Variants in NFASC observed in about 807,000 individuals in gnomAD.
The protein encoded by NFASC is neurofascin homolog.
NFASC carries 43 observed loss-of-function variants against 147.5 expected under a neutral mutation model. The observed-to-expected ratio is 0.29, with a 90% CI of 0.23 to 0.38. NFASC has a LOEUF of 0.38. NFASC is among the 10% of genes least tolerant of loss of function. The pLI, the probability that NFASC is intolerant of heterozygous loss-of-function variation, is 1.00. For synonymous variants in NFASC, 622 were observed against 665.5 expected (o/e 0.93, Z 1.01); for missense variants, 1,320 against 1,689.0 (o/e 0.78, Z 3.83).
intron 1 of NFASC, among the ~76,000 whole-genome samples, chr1:204,835,848 C>T (rs955585951): frequency 6.6e-6 from 1 of 152,182 alleles, no homozygotes; most frequent in African/African-American, 2.4e-5. Flanking sequence ...GGCCTCCATG[C>T]TGAGCTAGCT....
chr1:204,845,382 TG>T (rs1319583742), intron 1 of NFASC, among the ~76,000 whole-genome samples: 2 of 149,770 alleles, frequency 1.3e-5, no homozygotes, highest in Non-Finnish European at 3.0e-5. Flanking sequence ...TGCTTGAACC[TG>T]GGAGGCGGAG....
chr1:204,858,488 T>G, intron 1 of NFASC, among the ~76,000 whole-genome samples: 1 of 150,966 alleles, frequency 6.6e-6, no homozygotes, highest in African/African-American at 2.4e-5. Flanking sequence ...GGGAAGAGAG[T>G]CATGATGGCA....
At chr1:204,837,735 G>A (rs1457777911) in intron 1 of NFASC, among the ~76,000 whole-genome samples, 3 of 152,126 alleles carry the variant, frequency 2.0e-5, no homozygotes, top group African/African-American at 4.8e-5. Flanking sequence ...AAGTAACGCC[G>A]GGGAATGCTT....
chr1:204,990,677 A>G (rs959564301), intron 23 of NFASC: 1 of 152,466 alleles, frequency 6.6e-6, no homozygotes, highest in Non-Finnish European at 1.5e-5. Flanking sequence ...ACGGAATACC[A>G]GGAGAGGGGC....
chr1:204,994,150 C>T (rs1018736350), intron 24 of NFASC, among the ~76,000 whole-genome samples: 10 of 152,258 alleles, frequency 6.6e-5, no homozygotes, highest in Admixed American at 3.3e-4. Context: ...GTGGGAGCCC[C>T]GGGGAGGCTG....
chr1:204,959,656 G>A (rs999298331), intron 8 of NFASC, among the ~76,000 whole-genome samples: 5 of 152,200 alleles, frequency 3.3e-5, no homozygotes, highest in South Asian at 2.1e-4. Flanking sequence ...GCTAGAAATC[G>A]GCCTGCTGCT....
chr1:204,997,395 T>A lies in NFASC; in HGVS notation c.3008T>A (p.Ile1003Lys). 2.6e-6 allele frequency: 4 copies of A among 1,552,060 alleles called. No individual in the cohort carries two copies. The highest frequency in any genetic ancestry group is 1.7e-6 in the Non-Finnish European group (2 of 1,147,130). Reference sequence around the variant, plus strand: ...CCCACCACCACCTCCGGGACTAAGATACACGAATCCGGTACTGCGCATCGC... The same window carrying A: ...CCCACCACCACCTCCGGGACTAAGAAACACGAATCCGGTACTGCGCATCGC... ...SPPTTTSGTKIHESAPDEQSI... is the reference protein window; with the variant it reads ...SPPTTTSGTKKHESAPDEQSI... The change falls in exon 25 of 30, where the codon ATA becomes AAA. Residue 1003 changes from isoleucine (I) to lysine (K), a missense_variant. Coordinates refer to ENST00000339876, the MANE Select transcript of NFASC (RefSeq NM_001005388.3).
At chr1:204,962,932 A>AC (rs1443479208) in intron 8 of NFASC, among the ~76,000 whole-genome samples, 1 of 152,034 alleles carries the variant, frequency 6.6e-6, no homozygotes, top group East Asian at 1.9e-4. Context: ...CACCTGAGTT[A>AC]CCCCTCACCA....
rs771749984 is a variant in NFASC, at chr1:204,950,570, T to G, written c.105T>G (p.Asn35Lys). Residue 35 changes from asparagine to lysine, a missense_variant, in exon 4 of 30, where the codon AAT becomes AAG. Asn to Lys is a moderately conservative substitution (Grantham distance 94). Coordinates refer to ENST00000339876, the MANE Select transcript of NFASC (RefSeq NM_001005388.3). ...IEIPMDPSIQ[N>K]ELTQPPTITK... ...CGGAACTAACAGCAAGCATTCAGAA[T>G]GAGCGTAAGTGCCCTGTGTGCCTCT... is the stretch of plus-strand genomic sequence containing the variant. 13 of 1,612,712 alleles carry G rather than the reference T, an allele frequency of 8.1e-6. No individual in the cohort carries two copies. The highest frequency in any genetic ancestry group is 1.1e-5 in the Non-Finnish European group (13 of 1,179,340).
intron 23 of NFASC, chr1:204,990,215 G>A (rs1338240298): frequency 6.6e-6 from 1 of 152,260 alleles, no homozygotes; most frequent in East Asian, 1.9e-4. Context: ...CTCCTGCTGT[G>A]CTCTTCTGCA....
Position 204,955,064 on chromosome 1 carries a change from A to G in NFASC, c.535+113A>G, listed in dbSNP as rs375303148. On this transcript the variant is annotated intron_variant, in intron 7 of 29. Transcript: ENST00000339876. ...TAGAAGGCCTTGATTTGTGAGAGGC[A>G]GGTGCAATGTGGCAACCAGGCTGAG... is the stretch of plus-strand genomic sequence containing the variant. 121 of 1,340,216 alleles carry G rather than the reference A, an allele frequency of 9.0e-5. 2 individuals are homozygous for G. In the East Asian group the frequency reaches 9.3e-4, roughly 10 times the overall value. The allele number at this position is 1,340,216 out of a possible 1,614,324, so 83.0% of individuals were successfully genotyped here.
chr1:204,959,061 G>GTT (rs35620571), intron 8 of NFASC, among the ~76,000 whole-genome samples: 123 of 146,542 alleles, frequency 8.4e-4, no homozygotes, highest in South Asian at 1.9e-3. Flanking sequence ...CCCTTCTCAT[G>GTT]TTTTTTTTTT....
At chr1:204,933,270 T>G (rs958159678) in intron 2 of NFASC, among the ~76,000 whole-genome samples, 1 of 151,992 alleles carries the variant, frequency 6.6e-6, no homozygotes, top group African/African-American at 2.4e-5. Context: ...ATGAGACATG[T>G]ATGTGAAAGG....
chr1:204,952,179 T>C (rs2094164389), intron 5 of NFASC, 63 bp downstream of exon 5: 1 of 1,278,352 alleles, frequency 7.8e-7, no homozygotes, highest in Non-Finnish European at 1.1e-6. Flanking sequence ...TGATGATAAC[T>C]AAGGCAAATG....
rs550523255 is a variant in NFASC, at chr1:204,925,785, C to G, written c.-91+5045C>G. 1.7e-3 allele frequency among the ~76,000 whole-genome samples: 257 copies of G among 152,302 alleles called. 7 individuals are homozygous for G. The highest frequency in any genetic ancestry group is 4.0e-4 in the Non-Finnish European group (27 of 68,024). The stretch of plus-strand genomic sequence containing the variant: ...ACCCAATAGAGGACAGAATAAGCAG[C>G]TTGATTTGAGTGATGTCATGAGCAG... On this transcript the variant is annotated intron_variant, in intron 2 of 29. Coordinates refer to ENST00000339876, the MANE Select transcript of NFASC (RefSeq NM_001005388.3).
chr1:204,828,956 G>A (rs1452297671), intron 1 of NFASC, among the ~76,000 whole-genome samples, 174 bp downstream of exon 1: 2 of 101,012 alleles, frequency 2.0e-5, no homozygotes, highest in Admixed American at 2.4e-4. Context: ...GAATCCATCC[G>A]ATTCTGTTCG....
chr1:204,906,948 G>A (rs1433747157), intron 1 of NFASC, among the ~76,000 whole-genome samples: 1 of 152,180 alleles, frequency 6.6e-6, no homozygotes, highest in East Asian at 1.9e-4. Flanking sequence ...CTCCCAAAGT[G>A]CTGGGATTGT....
intron 23 of NFASC, 119 bp from the exon 24 acceptor site, chr1:204,991,173 G>T: frequency 1.6e-6 from 2 of 1,242,542 alleles, no homozygotes; most frequent in South Asian, 1.3e-5. Flanking sequence ...TCTGCATAAG[G>T]TTTGGGCTGG....
intron 2 of NFASC, among the ~76,000 whole-genome samples, chr1:204,936,967 C>T (rs979859046): frequency 2.0e-5 from 3 of 152,234 alleles, no homozygotes; most frequent in South Asian, 2.1e-4. Flanking sequence ...AATGTGATTC[C>T]TGCCACAGGG....
Sources: gnomAD v4.1 joint callset for allele counts (sites outside exome capture counted in the v4.1 genomes callset) on GRCh38, gnomAD v4.1.1 for gene constraint, MANE v1.5 for transcripts, NCBI Gene and HGNC (gene_info 2026-07-23, HGNC 2026-07-21) for gene names.